The following GRID2 variants were observed in gnomAD, a reference collection of about 807,000 sequenced individuals.
GRID2 encodes the protein glutamate receptor ionotropic, delta-2.
A neutral mutation model predicts 114.8 loss-of-function variants in GRID2; 33 were observed. That is an observed-to-expected ratio of 0.29 (90% confidence interval 0.22 to 0.38). The LOEUF is 0.38. Ranked by LOEUF, GRID2 falls within the 10% of genes least tolerant of loss-of-function variation. The pLI, the probability that GRID2 is intolerant of heterozygous loss-of-function variation, is 1.00. For synonymous variants in GRID2, 505 were observed against 449.9 expected, an observed-to-expected ratio of 1.12 and a Z score of -1.55; for missense variants, 1,184 against 1,257.7, an observed-to-expected ratio of 0.94 and a Z score of 0.89.
intron 1 of GRID2, among the ~76,000 whole-genome samples, chr4:92,362,433 T>A (rs948225758): frequency 6.6e-6 from 1 of 152,020 alleles, no homozygotes; most frequent in Non-Finnish European, 1.5e-5. Context: ...ATTCCAAAAA[T>A]TTTTCTAAAA....
chr4:93,413,224 G>A (rs1247265598), intron 9 of GRID2, among the ~76,000 whole-genome samples: 1 of 152,150 alleles, frequency 6.6e-6, no homozygotes, highest in African/African-American at 2.4e-5. Context: ...CAGTGTAAAA[G>A]CGTTCCTATT....
At chr4:92,976,390 TAC>T (rs1231166092) in intron 2 of GRID2, among the ~76,000 whole-genome samples, 4 of 152,112 alleles carry the variant, frequency 2.6e-5, no homozygotes, top group Non-Finnish European at 4.4e-5. Context: ...AATAGTGAGA[TAC>T]AGAGACAGAT....
intron 4 of GRID2, among the ~76,000 whole-genome samples, chr4:93,141,137 T>C (rs1735732591): frequency 2.0e-5 from 3 of 152,186 alleles, no homozygotes; most frequent in Admixed American, 2.0e-4. Flanking sequence ...TATGTTTCTG[T>C]TATTTATTAC....
intron 2 of GRID2, among the ~76,000 whole-genome samples, chr4:92,769,392 C>T (rs376071934): frequency 6.6e-6 from 1 of 152,172 alleles, no homozygotes; most frequent in Non-Finnish European, 1.5e-5. Context: ...TTTCCAGGCA[C>T]ATGGTACAAG....
chr4:93,182,900 C>T (rs1192551312), intron 4 of GRID2, among the ~76,000 whole-genome samples: 1 of 152,172 alleles, frequency 6.6e-6, no homozygotes, highest in Non-Finnish European at 1.5e-5. Flanking sequence ...TCTTGGGCAC[C>T]AGCCCAGACC....
intron 14 of GRID2, among the ~76,000 whole-genome samples, chr4:93,719,183 G>GA (rs1354255319): frequency 6.6e-6 from 1 of 151,762 alleles, no homozygotes; most frequent in Non-Finnish European, 1.5e-5. Context: ...ACTTAAAAGA[G>GA]AAAAAACACT....
chr4:93,472,054 G>T (rs1488563163), intron 11 of GRID2, among the ~76,000 whole-genome samples: 6 of 151,548 alleles, frequency 4.0e-5, no homozygotes, highest in Non-Finnish European at 5.9e-5. Context: ...GCCAGGCGCG[G>T]TGGCTCACAC....
intron 1 of GRID2, among the ~76,000 whole-genome samples, chr4:92,547,599 C>A (rs990745083): frequency 6.6e-6 from 1 of 151,944 alleles, no homozygotes; most frequent in Non-Finnish European, 1.5e-5. Flanking sequence ...AAAATTTTGT[C>A]TTACCCAAAA....
intron 8 of GRID2, among the ~76,000 whole-genome samples, chr4:93,358,343 A>G (rs1761544108): frequency 6.6e-6 from 1 of 151,892 alleles, no homozygotes; most frequent in African/African-American, 2.4e-5. Context: ...TAAAATGATC[A>G]TTTATTTTAA....
intron 10 of GRID2, among the ~76,000 whole-genome samples, chr4:93,424,549 A>ATCTGTATCC (rs1768652500): frequency 6.6e-6 from 1 of 152,096 alleles, no homozygotes. Context: ...ATTAGCCATC[A>ATCTGTATCC]TCTGTATCCT....
chr4:92,985,878 T>G (rs1401623659), intron 2 of GRID2, among the ~76,000 whole-genome samples: 1 of 152,142 alleles, frequency 6.6e-6, no homozygotes, highest in Non-Finnish European at 1.5e-5. Flanking sequence ...TTGCCATAGA[T>G]TATATATGTG....
At chr4:92,655,895 G>T (rs1445045180) in intron 2 of GRID2, among the ~76,000 whole-genome samples, 2 of 151,410 alleles carry the variant, frequency 1.3e-5, no homozygotes, top group East Asian at 3.9e-4. Context: ...AAGATTTCCA[G>T]TACCAAGTTT....
At chr4:93,503,869 A>G (rs1257086122) in intron 12 of GRID2, among the ~76,000 whole-genome samples, 2 of 152,112 alleles carry the variant, frequency 1.3e-5, no homozygotes, top group African/African-American at 2.4e-5. Flanking sequence ...TCACAGACCT[A>G]CTGGACTGAG....
chr4:92,957,599 T>A (rs1383353588), intron 2 of GRID2, among the ~76,000 whole-genome samples: 1 of 152,076 alleles, frequency 6.6e-6, no homozygotes, highest in Non-Finnish European at 1.5e-5. Flanking sequence ...CTTCCATTTT[T>A]TTTTTCTTCA....
intron 2 of GRID2, among the ~76,000 whole-genome samples, chr4:92,932,348 A>G (rs537744182): frequency 1.3e-5 from 2 of 151,404 alleles, no homozygotes; most frequent in African/African-American, 4.8e-5. Context: ...GTTTTGCACA[A>G]CTACAATGGC....
intron 4 of GRID2, among the ~76,000 whole-genome samples, chr4:93,179,912 C>A (rs1179344721): frequency 6.6e-6 from 1 of 152,096 alleles, no homozygotes; most frequent in Non-Finnish European, 1.5e-5. Context: ...AGGAAATTCC[C>A]AGGACCCTCT....
chr4:93,680,835 C>A (rs941294214), intron 14 of GRID2, among the ~76,000 whole-genome samples: 2 of 152,066 alleles, frequency 1.3e-5, no homozygotes, highest in South Asian at 2.1e-4. Context: ...ACTGAATGGG[C>A]AAAAACTGGA....
At chr4:93,008,972 C>T (rs1721842953) in intron 2 of GRID2, among the ~76,000 whole-genome samples, 1 of 151,972 alleles carries the variant, frequency 6.6e-6, no homozygotes, top group South Asian at 2.1e-4. Context: ...AAGTATAGGC[C>T]CATAGAGAAA....
chr4:92,568,606 T>A (rs188000874), intron 1 of GRID2, among the ~76,000 whole-genome samples: 1 of 152,140 alleles, frequency 6.6e-6, no homozygotes, highest in East Asian at 1.9e-4. Context: ...GGGGTACATG[T>A]GCAGGTTTGT....
Sources: allele counts gnomAD v4.1 joint callset (sites outside exome capture counted in the v4.1 genomes callset), GRCh38; gene constraint gnomAD v4.1.1; transcripts MANE v1.5; gene names NCBI Gene and HGNC (gene_info 2026-07-23, HGNC 2026-07-21).